The following GALNT9 variants were observed in gnomAD, a reference collection of about 807,000 sequenced individuals.
The protein encoded by GALNT9 is polypeptide N-acetylgalactosaminyltransferase 9, also known as GalNAc transferase 9.
Under a neutral mutation model 63.1 loss-of-function variants are expected in GALNT9, and 47 were observed. That is an observed-to-expected ratio of 0.75 (90% CI 0.59 to 0.95). The LOEUF (loss-of-function observed/expected upper bound fraction) is 0.95. Among genes scored for constraint, GALNT9 ranks in the 40% least tolerant of loss-of-function variants. The pLI is 0.00. For synonymous variants in GALNT9, 396 were observed against 365.7 expected (o/e 1.08, Z -0.94); for missense variants, 829 against 874.8 (o/e 0.95, Z 0.66).
chr12:132,328,908 G>C (rs891255524), intron 1 of GALNT9, 58 bp downstream of exon 1: 5 of 1,435,128 alleles, frequency 3.5e-6, no homozygotes, highest in Non-Finnish European at 4.6e-6. Context: ...CATCGCGCCC[G>C]GGGTGGCCAC....
At chr12:132,326,820 A>G (rs1452893894) in intron 1 of GALNT9, among the ~76,000 whole-genome samples, 1 of 152,198 alleles carries the variant, frequency 6.6e-6, no homozygotes, top group Non-Finnish European at 1.5e-5. Flanking sequence ...AGCTTCTTAC[A>G]CACCTTTTAG....
chr12:132,288,105 G>T (rs1880674863), intron 1 of GALNT9, among the ~76,000 whole-genome samples: 1 of 152,130 alleles, frequency 6.6e-6, no homozygotes, highest in African/African-American at 2.4e-5. Context: ...ACCTTCTCTC[G>T]CGGCGCCAGC....
At chr12:132,205,860 G>A (rs992323022) in intron 6 of GALNT9, 6 of 152,134 alleles carry the variant, frequency 3.9e-5, no homozygotes, top group Non-Finnish European at 8.8e-5. Flanking sequence ...CTCCCACTCC[G>A]CGGATGTCTC....
chr12:132,276,739 C>G (rs1555241232), intron 2 of GALNT9, among the ~76,000 whole-genome samples: 1 of 152,214 alleles, frequency 6.6e-6, no homozygotes, highest in Non-Finnish European at 1.5e-5. Context: ...TCTTAATAAT[C>G]AAGACTATGT....
At chr12:132,270,923 AAGG>A (rs1420074724) in intron 2 of GALNT9, among the ~76,000 whole-genome samples, 1 of 151,718 alleles carries the variant, frequency 6.6e-6, no homozygotes, top group Non-Finnish European at 1.5e-5. Flanking sequence ...CAGAGAGAGC[AAGG>A]AGGAGATGGA....
rs1360577599 is a variant in GALNT9, at chr12:132,198,816, TA to T, written c.1497+357del. ...ACGGGCATGCCCCACCATGCCCGGC[TA>T]ATTTTTGTATTTTTTGTAGCGACAG... On this transcript the variant is annotated intron_variant, in intron 9 of 10. Coordinates refer to ENST00000328957, the MANE Select transcript of GALNT9 (RefSeq NM_001122636.2). Among the ~76,000 whole-genome samples the T allele has an allele frequency of 2.0e-5, 3 of 152,300 alleles. No homozygotes were observed. In the East Asian group the frequency reaches 5.8e-4, roughly 29 times the overall value.
intron 6 of GALNT9, among the ~76,000 whole-genome samples, chr12:132,222,318 C>A (rs942123845): frequency 2.6e-5 from 4 of 152,176 alleles, no homozygotes; most frequent in Non-Finnish European, 4.4e-5. Context: ...TGGCTCAAGA[C>A]TGTGGCCCCA....
chr12:132,259,952 CG>C (rs1879302276), intron 4 of GALNT9, among the ~76,000 whole-genome samples: 1 of 148,846 alleles, frequency 6.7e-6, no homozygotes, highest in Non-Finnish European at 1.5e-5. Context: ...GGCCCTGGTG[CG>C]GGGAACACCC....
intron 5 of GALNT9, among the ~76,000 whole-genome samples, chr12:132,254,818 G>A (rs1278827064): frequency 1.3e-5 from 2 of 152,198 alleles, no homozygotes; most frequent in Non-Finnish European, 2.9e-5. Flanking sequence ...TTCCCCAAGT[G>A]GAGCAGCAGC....
intron 1 of GALNT9, among the ~76,000 whole-genome samples, chr12:132,324,674 C>A (rs1593127372): frequency 6.6e-6 from 1 of 152,146 alleles, no homozygotes; most frequent in African/African-American, 2.4e-5. Context: ...ATCTAGACCG[C>A]CGCCCTCTGC....
chr12:132,240,937 G>T (rs371706809), intron 6 of GALNT9, among the ~76,000 whole-genome samples: 22 of 47,518 alleles, frequency 4.6e-4, no homozygotes, highest in Non-Finnish European at 7.7e-4. Context: ...TTACACACAC[G>T]CCACACCCCC....
chr12:132,196,781 G>T lies in GALNT9; in HGVS notation c.*326C>A, dbSNP rs906141949. ...GGGGCTTGGCCTCCCTATGGGGCGT[G>T]GGGGGCTGTGGTACATGCAGAGGCG... On this transcript the variant is annotated 3_prime_UTR_variant, in exon 11 of 11. Transcript: ENST00000328957. 96 of 1,100,654 alleles carry T rather than the reference G, an allele frequency of 8.7e-5. No homozygotes were observed. Among genetic ancestry groups the T allele is most frequent in the Non-Finnish European group, 1.0e-4 (94 of 901,164 alleles). 68.2% of individuals were successfully genotyped at this position (1,100,654 alleles called of 1,614,324 possible).
intron 1 of GALNT9, among the ~76,000 whole-genome samples, chr12:132,291,535 T>C (rs1593108750): frequency 6.9e-6 from 1 of 144,410 alleles, no homozygotes; most frequent in Non-Finnish European, 1.5e-5. Context: ...AGCACCCACG[T>C]CCACACCACC....
chr12:132,244,824 G>T (rs1878646709), intron 6 of GALNT9, among the ~76,000 whole-genome samples: 1 of 148,410 alleles, frequency 6.7e-6, no homozygotes, highest in Non-Finnish European at 1.5e-5. Flanking sequence ...TGATGGAGTT[G>T]GACGGGGGCG....
chr12:132,292,303 G>A (rs1444954464), intron 1 of GALNT9, among the ~76,000 whole-genome samples: 2 of 152,178 alleles, frequency 1.3e-5, no homozygotes, highest in African/African-American at 4.8e-5. Context: ...AGAGCCGCCT[G>A]AGGTGGGTGA....
At chr12:132,325,766 T>G (rs1172366276) in intron 1 of GALNT9, among the ~76,000 whole-genome samples, 7 of 152,210 alleles carry the variant, frequency 4.6e-5, no homozygotes, top group African/African-American at 1.7e-4. Flanking sequence ...TTCACACATG[T>G]GCTCTGAATT....
At position 132,294,837 on chromosome 12, in the gene GALNT9, G is replaced by A. The variant is rs1019054064; in HGVS notation, c.239-8407C>T. On this transcript the variant is annotated intron_variant, in intron 1 of 10. Coordinates refer to ENST00000328957, the MANE Select transcript of GALNT9 (RefSeq NM_001122636.2). ...CCCACGGATCTGATTTTGCCTGTGC[G>A]GAAGGTTGCCGTGGGCGCCTCGCAG... Among the ~76,000 whole-genome samples, 20 of 152,352 alleles carry A rather than the reference G, an allele frequency of 1.3e-4. No homozygotes were observed. The East Asian group carries it at 3.3e-3, about 25-fold the overall frequency.
intron 1 of GALNT9, among the ~76,000 whole-genome samples, chr12:132,322,054 G>C (rs1868827631): frequency 1.3e-5 from 2 of 150,950 alleles, no homozygotes; most frequent in Non-Finnish European, 2.9e-5. Context: ...ATTGGATTTA[G>C]GGCCCACTAA....
At chr12:132,212,960 T>C (rs1466550759) in intron 6 of GALNT9, among the ~76,000 whole-genome samples, 2 of 94,840 alleles carry the variant, frequency 2.1e-5, no homozygotes, top group Non-Finnish European at 4.3e-5. Flanking sequence ...CCTCAGACCG[T>C]GACATGGAAA....
Sources: gnomAD v4.1 joint callset for allele counts (sites outside exome capture counted in the v4.1 genomes callset) on GRCh38, gnomAD v4.1.1 for gene constraint, MANE v1.5 for transcripts, NCBI Gene and HGNC (gene_info 2026-07-23, HGNC 2026-07-21) for gene names.